The following INTS4 variants were observed in gnomAD, a reference collection of about 807,000 sequenced individuals.
The protein encoded by INTS4 is MSTP093.
A neutral mutation model predicts 119.5 loss-of-function variants in INTS4; 70 were observed. The observed-to-expected ratio is 0.59, with a 90% CI of 0.48 to 0.71. INTS4 has a LOEUF of 0.71. INTS4 is among the 30% of genes least tolerant of loss of function. INTS4 has a pLI of 0.00. For synonymous variants in INTS4, 316 were observed against 419.6 expected (o/e 0.75, Z 3.02); for missense variants, 867 against 1,173.2 (o/e 0.74, Z 3.81).
At chr11:77,960,559 A>G (rs2136583306) in intron 5 of INTS4, among the ~76,000 whole-genome samples, 168 bp from the exon 6 acceptor site, 1 of 152,266 alleles carries the variant, frequency 6.6e-6, no homozygotes, top group East Asian at 1.9e-4. Context: ...CAATAGGAGC[A>G]TTCAAGCATT....
chr11:77,888,320 G>C (rs895491667), intron 21 of INTS4, among the ~76,000 whole-genome samples: 7 of 152,278 alleles, frequency 4.6e-5, no homozygotes, highest in African/African-American at 1.7e-4. Flanking sequence ...ACAAGCAATG[G>C]GGAAAGGATT....
chr11:77,904,003 G>T (rs1191632065), intron 16 of INTS4, among the ~76,000 whole-genome samples: 1 of 152,122 alleles, frequency 6.6e-6, no homozygotes, highest in Non-Finnish European at 1.5e-5. Context: ...CCTTAACTGT[G>T]GTTCTTTTTT....
chr11:77,980,910 G>A (rs1194511919), intron 3 of INTS4, among the ~76,000 whole-genome samples: 5 of 151,828 alleles, frequency 3.3e-5, no homozygotes, highest in Non-Finnish European at 4.4e-5. Flanking sequence ...GGAGAATGAC[G>A]TGAACCCGGG....
chr11:77,941,177 T>C lies in INTS4; in HGVS notation c.990+3A>G. 6.2e-7 allele frequency: 1 copy of C among 1,612,494 alleles called. No homozygotes were observed. On this transcript the variant is annotated splice_donor_region_variant and intron_variant, in intron 9 of 22. Transcript: ENST00000534064. The stretch of plus-strand genomic sequence containing the variant: ...ACTTTAAACAACAAAGAATAAAAGG[T>C]ACCCTCAGATCTGACATCAGCTTCT...
chr11:77,883,075 A>AACTAAT (rs1555017157), intron 22 of INTS4, among the ~76,000 whole-genome samples: 1 of 148,268 alleles, frequency 6.7e-6, no homozygotes, highest in Non-Finnish European at 1.5e-5. Flanking sequence ...CTCCGTCTCA[A>AACTAAT]AATAATAATA....
At chr11:77,927,092 G>A (rs1027825820) in intron 11 of INTS4, among the ~76,000 whole-genome samples, 1 of 152,114 alleles carries the variant, frequency 6.6e-6, no homozygotes, top group African/African-American at 2.4e-5. Context: ...TTTGCAAACT[G>A]TGGGGGAAAA....
intron 15 of INTS4, among the ~76,000 whole-genome samples, chr11:77,910,141 C>T (rs997535067): frequency 2.6e-5 from 4 of 152,238 alleles, no homozygotes; most frequent in Admixed American, 6.5e-5. Context: ...GACACATGCA[C>T]GCATATGTTT....
intron 1 of INTS4, among the ~76,000 whole-genome samples, chr11:77,991,697 C>T (rs888073058): frequency 2.6e-5 from 4 of 151,988 alleles, no homozygotes; most frequent in African/African-American, 9.7e-5. Flanking sequence ...CTTACACTAA[C>T]ATTTTGCTCT....
At chr11:77,987,178 G>A in intron 2 of INTS4, 1 of 152,178 alleles carries the variant, frequency 6.6e-6, no homozygotes, top group East Asian at 1.9e-4. Flanking sequence ...CAGGTAATGG[G>A]TACATGGGAA....
rs752824591 is a variant in INTS4, at chr11:77,891,842, T to C, written c.2289-2A>G. On this transcript the variant is annotated splice_acceptor_variant, in intron 19 of 22. Transcript: ENST00000534064. LOFTEE classifies it high-confidence loss of function. ...TGGGGCAAATCAGCGATGAAATACC[T>C]GGAGGAACAAACAGAAGCAACTGAC... is the stretch of plus-strand genomic sequence containing the variant. The C allele has an allele frequency of 3.1e-6, 5 of 1,611,018 alleles. No individual in the cohort carries two copies. Among genetic ancestry groups the C allele is most frequent in the Non-Finnish European group, 3.4e-6 (4 of 1,179,166 alleles).
chr11:77,894,243 C>A, intron 19 of INTS4, 47 bp downstream of exon 19: 1 of 988,084 alleles, frequency 1.0e-6, no homozygotes, highest in Non-Finnish European at 1.6e-6. Flanking sequence ...GTGCTATACT[C>A]CATGTAACCA....
At chr11:77,888,110 C>A (rs10899412) in intron 21 of INTS4, among the ~76,000 whole-genome samples, 7 of 151,718 alleles carry the variant, frequency 4.6e-5, no homozygotes, top group Non-Finnish European at 8.8e-5. Context: ...GAGCCCACAT[C>A]GCCAAGTCAA....
At chr11:77,906,045 T>C (rs911721250) in intron 16 of INTS4, among the ~76,000 whole-genome samples, 20 of 152,218 alleles carry the variant, frequency 1.3e-4, no homozygotes, top group Non-Finnish European at 2.1e-4. Context: ...TTTTTTAAAT[T>C]ATTTCTTCCA....
chr11:77,981,070 T>C (rs932994322), intron 3 of INTS4, among the ~76,000 whole-genome samples: 1 of 151,448 alleles, frequency 6.6e-6, no homozygotes, highest in Non-Finnish European at 1.5e-5. Flanking sequence ...ATAATCCTTT[T>C]AGAAAGCAAT....
intron 10 of INTS4, among the ~76,000 whole-genome samples, chr11:77,932,434 G>A (rs559417198): frequency 5.9e-5 from 9 of 152,226 alleles, no homozygotes; most frequent in South Asian, 2.1e-4. Context: ...TTAGAATGGC[G>A]ATCATTAAAA....
At chr11:77,909,453 C>T (rs563522872) in intron 15 of INTS4, among the ~76,000 whole-genome samples, 1 of 152,324 alleles carries the variant, frequency 6.6e-6, no homozygotes, top group African/African-American at 2.4e-5. Context: ...GTTGCACCTT[C>T]TACATGTATC....
chr11:77,899,156 T>C lies in INTS4; in HGVS notation c.2228+2265A>G, dbSNP rs577947121. Among the ~76,000 whole-genome samples the C allele has an allele frequency of 2.0e-3, 298 of 152,266 alleles. 2 individuals are homozygous for C. The highest frequency in any genetic ancestry group is 2.7e-3 in the Non-Finnish European group (183 of 68,026). On this transcript the variant is annotated intron_variant, in intron 18 of 22. Coordinates refer to ENST00000534064, the MANE Select transcript of INTS4 (RefSeq NM_033547.4). ...GGGAACAAACTGAGGCCAAGAATTG[T>C]TAAGTAACTTGTCCAAGGGTTACTC...
chr11:77,904,514 C>T (rs751154545), intron 16 of INTS4, among the ~76,000 whole-genome samples: 2 of 152,168 alleles, frequency 1.3e-5, no homozygotes, highest in Non-Finnish European at 2.9e-5. Flanking sequence ...TCTGAGAAAT[C>T]CAGTGTGTAT....
downstream of INTS4, among the ~76,000 whole-genome samples, chr11:77,877,481 G>A (rs1170644380): frequency 6.6e-6 from 1 of 152,170 alleles, no homozygotes; most frequent in African/African-American, 2.4e-5. Context: ...CCACTGTTGA[G>A]GTCCAATTAT....
Sources: allele counts gnomAD v4.1 joint callset (sites outside exome capture counted in the v4.1 genomes callset), GRCh38; gene constraint gnomAD v4.1.1; transcripts MANE v1.5; gene names NCBI Gene and HGNC (gene_info 2026-07-23, HGNC 2026-07-21).